ARHGEF10L: variants seen among roughly 807,000 people sequenced by gnomAD.
ARHGEF10L encodes the protein Rho guanine nucleotide exchange factor 10 like.
In ARHGEF10L, 69 loss-of-function variants were observed where a neutral mutation model predicts 141.2. The ratio of observed to expected loss-of-function variants is 0.49; its 90% CI spans 0.40 to 0.60. The LOEUF is 0.60. Ranked by LOEUF, ARHGEF10L falls within the 20% of genes least tolerant of loss-of-function variation. ARHGEF10L has a pLI of 0.00. For missense variants in ARHGEF10L, 1,482 were observed against 1,734.3 expected, an observed-to-expected ratio of 0.85 and a Z score of 2.58; for synonymous variants, 711 against 718.5, an observed-to-expected ratio of 0.99 and a Z score of 0.17.
intron 1 of ARHGEF10L, among the ~76,000 whole-genome samples, chr1:17,550,615 T>C (rs1158710367): frequency 6.9e-6 from 1 of 144,656 alleles, no homozygotes; most frequent in African/African-American, 2.6e-5. Context: ...TGCAGTATAG[T>C]GTGGGCAACG....
rs148863977 is a variant in ARHGEF10L at position 17,627,253 on chromosome 1, G to A, written c.1411-77G>A. Reference sequence around the variant, plus strand: ...AGACCCAGTGTGTGTAGGGGGTTGCGCAGGGTGAGGCTTTGCCCCAGGCTG... The same window carrying A: ...AGACCCAGTGTGTGTAGGGGGTTGCACAGGGTGAGGCTTTGCCCCAGGCTG... On this transcript the variant is annotated intron_variant, in intron 14 of 28. Transcript: ENST00000361221. The surrounding 1 kb of genome is among the most constrained non-coding windows in gnomAD (Gnocchi z 4.0). The A allele has an allele frequency of 6.5e-6, 10 of 1,548,194 alleles. No individual in the cohort carries two copies. The highest frequency in any genetic ancestry group is 2.3e-5 in the East Asian group (1 of 44,238).
intron 1 of ARHGEF10L, among the ~76,000 whole-genome samples, chr1:17,568,341 T>G (rs2077847676): frequency 6.6e-6 from 1 of 152,206 alleles, no homozygotes; most frequent in South Asian, 2.1e-4. Flanking sequence ...ATTCTTATAG[T>G]TGTCATTGTA....
intron 9 of ARHGEF10L, among the ~76,000 whole-genome samples, chr1:17,617,956 G>A (rs545029862): frequency 3.5e-4 from 54 of 152,280 alleles, no homozygotes; most frequent in African/African-American, 1.2e-3. Flanking sequence ...CTCTTGGGGC[G>A]GCAGACCATA....
intron 21 of ARHGEF10L, among the ~76,000 whole-genome samples, chr1:17,642,035 T>G (rs981128553): frequency 7.3e-5 from 11 of 150,624 alleles, no homozygotes; most frequent in African/African-American, 2.7e-4. Flanking sequence ...ATGTCACTGG[T>G]TTTCATTAAT....
rs1174376315 is a variant in ARHGEF10L, at chr1:17,603,657, G to T, written c.433+66G>T. ...GGGGAGGGAGGCTGGGACTGGGGAGGGTTGTCTCTTTCCGTTTCCTTCTGT... is the reference window on the plus strand; with the variant it reads ...GGGGAGGGAGGCTGGGACTGGGGAGTGTTGTCTCTTTCCGTTTCCTTCTGT... On this transcript the variant is annotated intron_variant, in intron 6 of 28. Coordinates refer to ENST00000361221, the MANE Select transcript of ARHGEF10L (RefSeq NM_018125.4). The surrounding 1 kb of genome is among the most constrained non-coding windows in gnomAD (Gnocchi z 4.8). 6 of 1,427,968 alleles carry T rather than the reference G, an allele frequency of 4.2e-6. No homozygotes were observed. The highest frequency in any genetic ancestry group is 1.4e-5 in the African/African-American group (1 of 69,728). The allele number at this position is 1,427,968 out of a possible 1,614,324, so 88.5% of individuals were successfully genotyped here.
intron 26 of ARHGEF10L, among the ~76,000 whole-genome samples, chr1:17,671,542 G>A (rs116564383): frequency 0.024 from 3,704 of 152,282 alleles, 154 homozygotes; most frequent in African/African-American, 0.085. Flanking sequence ...CCTCCCTGGT[G>A]CAGTTGCAAG....
At chr1:17,608,353 C>G (rs2101043874) in intron 7 of ARHGEF10L, among the ~76,000 whole-genome samples, 1 of 152,342 alleles carries the variant, frequency 6.6e-6, no homozygotes, top group South Asian at 2.1e-4. Flanking sequence ...GAGGTGGAGC[C>G]TGGATCAGAT....
Position 17,589,960 on chromosome 1 carries a change from G to A in ARHGEF10L, c.257+1481G>A, listed in dbSNP as rs562582665. Among the ~76,000 whole-genome samples the A allele has an allele frequency of 5.9e-5, 9 of 152,228 alleles. No homozygotes were observed. In the South Asian group the frequency reaches 1.7e-3, roughly 28 times the overall value. On this transcript the variant is annotated intron_variant, in intron 4 of 28. Coordinates refer to ENST00000361221, the MANE Select transcript of ARHGEF10L (RefSeq NM_018125.4). Reference sequence around the variant, plus strand: ...CGAGTGAATGGAAATTCTCCATTCAGGATGGCAGAGGGGCAGGGGGAGTGC... The same window carrying A: ...CGAGTGAATGGAAATTCTCCATTCAAGATGGCAGAGGGGCAGGGGGAGTGC...
the ARHGEF10L span, among the ~76,000 whole-genome samples, chr1:17,520,211 T>C: frequency 5.3e-5 from 8 of 152,300 alleles, no homozygotes; most frequent in Non-Finnish European, 4.4e-5. Context: ...TAGCTTTTCC[T>C]CGTGGACTGC....
intron 9 of ARHGEF10L, among the ~76,000 whole-genome samples, chr1:17,616,565 A>G (rs2059818355): frequency 6.6e-6 from 1 of 152,000 alleles, no homozygotes; most frequent in Non-Finnish European, 1.5e-5. Flanking sequence ...CATCTCTCCA[A>G]CCAGCTGACA....
At chr1:17,618,261 C>CCCCCCCCCCCCA in intron 9 of ARHGEF10L, 2 of 1,344,998 alleles carry the variant, frequency 1.5e-6, no homozygotes, top group Non-Finnish European at 2.0e-6. Flanking sequence ...CAGCCCTCCC[C>CCCCCCCCCCCCA]ACCCCGCCCA....
At position 17,654,146 on chromosome 1, in the gene ARHGEF10L, C is replaced by A. The variant is rs1485346068; in HGVS notation, c.2395-490C>A. On this transcript the variant is annotated intron_variant, in intron 22 of 28. Coordinates refer to ENST00000361221, the MANE Select transcript of ARHGEF10L (RefSeq NM_018125.4). The surrounding 1 kb of genome is among the most constrained non-coding windows in gnomAD (Gnocchi z 4.3). ...CAGGCCTCAGAGAGAGGCCACCCAA[C>A]ATGGGGTCTGTGGCAGCTGATTCAG... is the stretch of plus-strand genomic sequence containing the variant. Among the ~76,000 whole-genome samples, 1 of 152,202 alleles carries A rather than the reference C, an allele frequency of 6.6e-6. No homozygotes were observed. The highest frequency in any genetic ancestry group is 2.4e-5 in the African/African-American group (1 of 41,448).
intron 26 of ARHGEF10L, among the ~76,000 whole-genome samples, chr1:17,681,604 T>G (rs1461113463): frequency 6.6e-6 from 1 of 152,200 alleles, no homozygotes; most frequent in African/African-American, 2.4e-5. Flanking sequence ...GAGCTGCCAG[T>G]GTTCGGCCAG....
At chr1:17,663,035 T>C (rs534696155) in intron 25 of ARHGEF10L, among the ~76,000 whole-genome samples, 27 of 152,248 alleles carry the variant, frequency 1.8e-4, no homozygotes, top group Admixed American at 1.3e-3. Context: ...AACCCCCCTT[T>C]CCCACCTGGC....
intron 26 of ARHGEF10L, among the ~76,000 whole-genome samples, chr1:17,667,995 C>A (rs575615257): frequency 7.2e-5 from 11 of 152,190 alleles, no homozygotes; most frequent in East Asian, 1.9e-4. Context: ...AGCTATGCAA[C>A]CTTGCATAAG....
Position 17,637,898 on chromosome 1 carries a change from C to T in ARHGEF10L, c.1938C>T (p.Tyr646=). The change falls in exon 19 of 29, where the codon TAC becomes TAT. Residue 646 remains tyrosine, a synonymous_variant. Transcript: ENST00000361221. The part of the protein sequence containing the change: ...SASGQAQNKV[Y]LGPPRLFQEL... Reference sequence around the variant, plus strand: ...CTCTTCTCTGCCCAGATAAGGTGTACCTCGGCCCCCCACGCCTCTTCCAGG... The same window carrying T: ...CTCTTCTCTGCCCAGATAAGGTGTATCTCGGCCCCCCACGCCTCTTCCAGG... The T allele has an allele frequency of 6.3e-7, 1 of 1,588,950 alleles. No individual in the cohort carries two copies. Among genetic ancestry groups the T allele is most frequent in the South Asian group, 1.2e-5 (1 of 86,838 alleles).
rs2061509197 is a variant in ARHGEF10L, at chr1:17,644,943, A to C, written c.2273-3611A>C. On this transcript the variant is annotated intron_variant, in intron 21 of 28. Coordinates refer to ENST00000361221, the MANE Select transcript of ARHGEF10L (RefSeq NM_018125.4). The surrounding 1 kb of genome is among the most constrained non-coding windows in gnomAD (Gnocchi z 4.5). ...TTTCTACATGAGGCCACAGGCTCAG[A>C]GAGGGTAAGCACTTGGCTCCGTGTC... 6.6e-6 allele frequency among the ~76,000 whole-genome samples: 1 copy of C among 152,134 alleles called. No homozygotes were observed. Among genetic ancestry groups the C allele is most frequent in the South Asian group, 2.1e-4 (1 of 4,824 alleles).
intron 26 of ARHGEF10L, 86 bp from the exon 27 acceptor site, chr1:17,687,487 G>C (rs2064702796): frequency 6.8e-7 from 1 of 1,470,468 alleles, no homozygotes; most frequent in Admixed American, 1.9e-5. Flanking sequence ...AAGAATGTGA[G>C]AATGGCTGGC....
rs1340339751 is a variant in ARHGEF10L, at chr1:17,619,892, A to G, written c.942+447A>G. ...CTCCCACCAGGAACTGAGGCTCTTTAAGAATGGCTTCCTTGGCTGGGTGCG... is the reference window on the plus strand; with the variant it reads ...CTCCCACCAGGAACTGAGGCTCTTTGAGAATGGCTTCCTTGGCTGGGTGCG... On this transcript the variant is annotated intron_variant, in intron 10 of 28. Transcript: ENST00000361221. This position sits in a 1 kb window ranked among gnomAD's most constrained non-coding sequence, Gnocchi z 5.0. Among the ~76,000 whole-genome samples the G allele has an allele frequency of 1.3e-5, 2 of 152,046 alleles. No individual in the cohort carries two copies. The highest frequency in any genetic ancestry group is 4.8e-5 in the African/African-American group (2 of 41,392).
Sources: gnomAD v4.1 joint callset for allele counts (sites outside exome capture counted in the v4.1 genomes callset) on GRCh38, gnomAD v4.1.1 for gene constraint, Gnocchi (gnomAD v3.1) non-coding constraint, MANE v1.5 for transcripts, NCBI Gene and HGNC (gene_info 2026-07-23, HGNC 2026-07-21) for gene names.